The following ENO4 variants were observed in gnomAD, a reference collection of about 807,000 sequenced individuals.
ENO4 encodes 2-phospho-D-glycerate hydro-lyase.
In ENO4, 53 loss-of-function variants were observed where a neutral mutation model predicts 63.2. The observed-to-expected ratio is 0.84, with a 90% CI of 0.67 to 1.05. The LOEUF is 1.05. Among genes scored for constraint, ENO4 ranks in the 50% least tolerant of loss-of-function variants. The probability of loss-of-function intolerance (pLI) is 0.00; values close to 1 mark genes in which losing one functional copy is unlikely to be tolerated. For synonymous variants in ENO4, 266 were observed against 283.8 expected, an observed-to-expected ratio of 0.94 and a Z score of 0.63; for missense variants, 719 against 772.0, an observed-to-expected ratio of 0.93 and a Z score of 0.81.
intron 7 of ENO4, 43 bp from the exon 8 acceptor site, chr10:116,868,607 G>A: frequency 1.3e-6 from 2 of 1,530,096 alleles, no homozygotes; most frequent in South Asian, 1.2e-5. Flanking sequence ...CCACAGCCAT[G>A]CTAAAAATTC....
downstream of ENO4, chr10:116,883,316 T>C (rs1384114770): frequency 1.3e-5 from 2 of 152,144 alleles, no homozygotes; most frequent in East Asian, 3.9e-4. Flanking sequence ...GTATATATAA[T>C]ATTATCTGTG....
chr10:116,896,921 C>T (rs892301687), intron 10 of ENO4, among the ~76,000 whole-genome samples: 7 of 152,022 alleles, frequency 4.6e-5, no homozygotes, highest in Non-Finnish European at 8.8e-5. Flanking sequence ...ATTCTCCTGC[C>T]TCAGCCTCCT....
In ENO4 at chr10:116,882,200, C is replaced by A. The variant is rs926525693; in HGVS notation, c.*531C>A. 6.6e-6 allele frequency: 1 copy of A among 151,982 alleles called. No individual in the cohort carries two copies. The highest frequency in any genetic ancestry group is 1.5e-5 in the Non-Finnish European group (1 of 68,050). The allele number at this position is 151,982 out of a possible 1,614,324, so 9.4% of individuals were successfully genotyped here. On this transcript the variant is annotated 3_prime_UTR_variant, in exon 14 of 14. Transcript: ENST00000341276. ...CATCTCACTTTCCTACCCTTGATTCCTTTTTTCCTAATTCCCTCTCCTTTT... is the reference window on the plus strand; with the variant it reads ...CATCTCACTTTCCTACCCTTGATTCATTTTTTCCTAATTCCCTCTCCTTTT...
At chr10:116,887,152 G>A (rs1310747815), downstream of ENO4, among the ~76,000 whole-genome samples, 2 of 152,208 alleles carry the variant, frequency 1.3e-5, no homozygotes, top group African/African-American at 2.4e-5. Context: ...GAGAGCCAGA[G>A]TAGAAGCTAA....
chr10:116,888,055 A>G (rs1329625322), intron 10 of ENO4, among the ~76,000 whole-genome samples: 3 of 152,216 alleles, frequency 2.0e-5, no homozygotes, highest in Admixed American at 6.5e-5. Context: ...CTACTGGGTT[A>G]TATTACCTAT....
intron 10 of ENO4, among the ~76,000 whole-genome samples, chr10:116,908,635 A>G (rs1199077554): frequency 6.6e-6 from 1 of 152,206 alleles, no homozygotes; most frequent in Non-Finnish European, 1.5e-5. Flanking sequence ...GACACTGTGT[A>G]GTTTTTCTCA....
Position 116,908,929 on chromosome 10 carries a change from C to T in ENO4, c.1195-2570C>T, listed in dbSNP as rs147443027. Among the ~76,000 whole-genome samples the T allele has an allele frequency of 1.2e-3, 177 of 152,254 alleles. 1 individual carries two copies. Among genetic ancestry groups the T allele is most frequent in the African/African-American group, 4.0e-3 (165 of 41,558 alleles). On this transcript the variant is annotated intron_variant, in intron 10 of 10. Transcript: ENST00000369207. ...TGGCTTCAGCTAACATATGAGTAAACTTTCAATACAAGGGCAATTGTGGAG... is the reference window on the plus strand; with the variant it reads ...TGGCTTCAGCTAACATATGAGTAAATTTTCAATACAAGGGCAATTGTGGAG...
chr10:116,854,086 T>G (rs1846175881), intron 1 of ENO4, among the ~76,000 whole-genome samples: 2 of 152,140 alleles, frequency 1.3e-5, no homozygotes. Context: ...CTTTCTTCAG[T>G]CTCCTTCTTA....
chr10:116,886,176 GCTTA>G (rs749657080), downstream of ENO4: 31 of 954,206 alleles, frequency 3.2e-5, no homozygotes, highest in Admixed American at 2.0e-4. Flanking sequence ...TTGCTAAACA[GCTTA>G]CTTATGTTTA....
intron 10 of ENO4, among the ~76,000 whole-genome samples, chr10:116,894,984 C>T (rs1039161561): frequency 6.6e-6 from 1 of 152,088 alleles, no homozygotes; most frequent in Non-Finnish European, 1.5e-5. Context: ...ATAAAAATGT[C>T]CTAAATCATA....
chr10:116,886,551 A>G (rs1478736069), downstream of ENO4: 1 of 1,614,154 alleles, frequency 6.2e-7, no homozygotes, highest in South Asian at 1.1e-5. Context: ...TCCTGCATCC[A>G]ATGCTACTGG....
At chr10:116,903,251 G>A (rs779673667) in intron 10 of ENO4, among the ~76,000 whole-genome samples, 5 of 151,996 alleles carry the variant, frequency 3.3e-5, no homozygotes, top group South Asian at 2.1e-4. Context: ...GGCCTTTTCC[G>A]GCTGTACGTG....
intron 10 of ENO4, among the ~76,000 whole-genome samples, chr10:116,910,412 T>C (rs1848144714): frequency 6.6e-6 from 1 of 152,230 alleles, no homozygotes; most frequent in Non-Finnish European, 1.5e-5. Flanking sequence ...ACTTATAAAT[T>C]ATTTCACAAA....
intron 6 of ENO4, among the ~76,000 whole-genome samples, 182 bp from the exon 7 acceptor site, chr10:116,862,617 A>T (rs2627197): frequency 0.59 from 90,221 of 152,096 alleles, 29,793 homozygotes; most frequent in Middle Eastern, 0.74. Flanking sequence ...TCTCATTCAC[A>T]TTCAACCCAA....
chr10:116,892,615 T>C (rs1170575709), intron 10 of ENO4, among the ~76,000 whole-genome samples: 1 of 152,226 alleles, frequency 6.6e-6, no homozygotes, highest in African/African-American at 2.4e-5. Flanking sequence ...GAAAATACTG[T>C]TTTAAATGTA....
chr10:116,878,359 T>G (rs773265124), intron 11 of ENO4, among the ~76,000 whole-genome samples: 1 of 152,170 alleles, frequency 6.6e-6, no homozygotes, highest in African/African-American at 2.4e-5. Flanking sequence ...TGGTAGATGA[T>G]AGATAGGAGG....
At position 116,881,615 on chromosome 10, in the gene ENO4, C is replaced by T. The variant is rs972890279; in HGVS notation, c.1824C>T (p.Thr608=). The change falls in exon 14 of 14, where the codon ACC becomes ACT. Residue 608 remains threonine (T), a synonymous_variant. Transcript: ENST00000341276. ...AAAAREPLVP[T]FPTQGVEESA... is the part of the protein sequence containing the mutation. The stretch of plus-strand genomic sequence containing the variant: ...CGGCTAGGGAGCCGCTGGTGCCCAC[C>T]TTCCCCACACAAGGTGTAGAGGAAT... 2 of 1,550,342 alleles carry T rather than the reference C, an allele frequency of 1.3e-6. No homozygotes were observed. The highest frequency in any genetic ancestry group is 1.4e-5 in the African/African-American group (1 of 73,056).
chr10:116,908,000 T>C (rs1180382763), intron 10 of ENO4: 1 of 466,502 alleles, frequency 2.1e-6, no homozygotes, highest in South Asian at 1.5e-5. Flanking sequence ...TTCTTTAGCA[T>C]GTAAAACAAA....
intron 1 of ENO4, among the ~76,000 whole-genome samples, chr10:116,850,742 C>G (rs948518373): frequency 6.6e-6 from 1 of 152,152 alleles, no homozygotes; most frequent in African/African-American, 2.4e-5. Flanking sequence ...TACTGAGCCC[C>G]TTGTGCTGCG....
Sources: allele counts gnomAD v4.1 joint callset (sites outside exome capture counted in the v4.1 genomes callset), GRCh38; gene constraint gnomAD v4.1.1; transcripts MANE v1.5; gene names NCBI Gene and HGNC (gene_info 2026-07-23, HGNC 2026-07-21).